The following CPB2 variants were observed in gnomAD, a reference collection of about 807,000 sequenced individuals.
The protein encoded by CPB2 is carboxypeptidase B-like protein.
In CPB2, 54 loss-of-function variants were observed where a neutral mutation model predicts 57.0. The ratio of observed to expected loss-of-function variants is 0.95; its 90% CI spans 0.76 to 1.19. CPB2 has a LOEUF of 1.19. CPB2 is among the 50% of genes most tolerant of loss of function. CPB2 has a pLI of 0.00. For missense variants in CPB2, 426 were observed against 512.0 expected, an observed-to-expected ratio of 0.83 and a Z score of 1.62; for synonymous variants, 189 against 178.1, an observed-to-expected ratio of 1.06 and a Z score of -0.49.
At chr13:46,077,386 T>A (rs4942475) in intron 5 of CPB2, among the ~76,000 whole-genome samples, 2 of 151,936 alleles carry the variant, frequency 1.3e-5, no homozygotes, top group Non-Finnish European at 2.9e-5. Flanking sequence ...GTCATCTCAT[T>A]CCAGTTAAAA....
At chr13:46,060,672 A>G (rs1254520151) in intron 8 of CPB2, among the ~76,000 whole-genome samples, 1 of 152,146 alleles carries the variant, frequency 6.6e-6, no homozygotes, top group Admixed American at 6.5e-5. Context: ...CATTTTAAGC[A>G]CTGGATAGCC....
Position 46,055,794 on chromosome 13 carries a change from C to A in CPB2, c.1055G>T (p.Arg352Met). 6.2e-7 allele frequency: 1 copy of A among 1,601,868 alleles called. No individual in the cohort carries two copies. The highest frequency in any genetic ancestry group is 8.5e-7 in the Non-Finnish European group (1 of 1,172,078). Residue 352 changes from arginine to methionine, a missense_variant, in exon 10 of 11, where the codon AGG (arginine) becomes ATG (methionine). Arg to Met is a moderately conservative substitution (Grantham distance 91, BLOSUM62 -1). Coordinates refer to ENST00000181383, the MANE Select transcript of CPB2 (RefSeq NM_001872.5). ...RAIEKISKNTRYTHGHGSETL... is the reference protein window; with the variant it reads ...RAIEKISKNTMYTHGHGSETL... ...TTCTGAGCCATGGCCATGTGTATAC[C>A]TGGTATTTTTACTAATTTTCTCAAT...
intron 1 of CPB2, among the ~76,000 whole-genome samples, chr13:46,090,936 G>A (rs1477126937): frequency 6.6e-6 from 1 of 151,658 alleles, no homozygotes; most frequent in Non-Finnish European, 1.5e-5. Flanking sequence ...ATGTTGGTCA[G>A]GCTGGTCTCG....
chr13:46,079,535 C>CAAAAAAAAAAAAAAAAAAAAAAAA (rs58164990), intron 4 of CPB2, among the ~76,000 whole-genome samples: 1 of 111,008 alleles, frequency 9.0e-6, no homozygotes, highest in African/African-American at 3.4e-5. Flanking sequence ...AAGGAAAAAG[C>CAAAAAAAAAAAAAAAAAAAAAAAA]AAAAAAAAAA....
At chr13:46,102,257 A>G (rs2045443704) in intron 1 of CPB2, among the ~76,000 whole-genome samples, 1 of 152,200 alleles carries the variant, frequency 6.6e-6, no homozygotes, top group Admixed American at 6.5e-5. Context: ...CTGGGCTGGC[A>G]GGCTGCATTT....
At chr13:46,067,004 G>A (rs994775607) in intron 7 of CPB2, among the ~76,000 whole-genome samples, 37 of 151,196 alleles carry the variant, frequency 2.4e-4, no homozygotes, top group African/African-American at 8.5e-4. Flanking sequence ...TATTGATGAA[G>A]TGATATGGTA....
chr13:46,060,527 T>C (rs2044757387), intron 8 of CPB2, among the ~76,000 whole-genome samples: 1 of 152,196 alleles, frequency 6.6e-6, no homozygotes, highest in Non-Finnish European at 1.5e-5. Flanking sequence ...TAACCAAATA[T>C]GTACAAAGTA....
intron 10 of CPB2, among the ~76,000 whole-genome samples, chr13:46,055,074 TAAAA>T: frequency 7.0e-6 from 1 of 142,362 alleles, no homozygotes; most frequent in East Asian, 2.1e-4. Flanking sequence ...TTCTAATCAT[TAAAA>T]AAAAAAAAAA....
chr13:46,082,625 G>C, intron 3 of CPB2, 76 bp from the exon 4 acceptor site: 1 of 836,486 alleles, frequency 1.2e-6, no homozygotes, highest in South Asian at 1.6e-5. Context: ...TGCAGGCACA[G>C]CAGGTGAGCA....
At chr13:46,064,197 C>G (rs2044817974) in intron 8 of CPB2, among the ~76,000 whole-genome samples, 1 of 151,940 alleles carries the variant, frequency 6.6e-6, no homozygotes, top group Non-Finnish European at 1.5e-5. Context: ...GAGGCAGAGG[C>G]TGCAGTGAGC....
chr13:46,064,857 C>T, intron 7 of CPB2, 116 bp from the exon 8 acceptor site: 1 of 721,578 alleles, frequency 1.4e-6, no homozygotes, highest in South Asian at 1.6e-5. Context: ...CAATCCCATA[C>T]CTTGCATGGC....
chr13:46,065,557 G>A (rs1348048547), intron 7 of CPB2, among the ~76,000 whole-genome samples: 1 of 149,692 alleles, frequency 6.7e-6, no homozygotes, highest in Non-Finnish European at 1.5e-5. Flanking sequence ...AACCTGGGAG[G>A]CGGAGCTTGC....
At chr13:46,086,823 C>G (rs2045214085) in intron 2 of CPB2, among the ~76,000 whole-genome samples, 1 of 152,228 alleles carries the variant, frequency 6.6e-6, no homozygotes, top group Non-Finnish European at 1.5e-5. Flanking sequence ...CTCGTCAGTA[C>G]CCAAAGTCCA....
intron 1 of CPB2, among the ~76,000 whole-genome samples, chr13:46,090,721 G>A (rs2139410253): frequency 1.2e-5 from 1 of 86,494 alleles, no homozygotes; most frequent in South Asian, 3.8e-4. Flanking sequence ...TAAAGATGTT[G>A]CACTTTTTTT....
Position 46,097,805 on chromosome 13 carries a change from G to A in CPB2, c.74+7131C>T, listed in dbSNP as rs77969314. Among the ~76,000 whole-genome samples the A allele has an allele frequency of 2.3e-3, 348 of 152,230 alleles. 7 individuals are homozygous for A. The highest frequency in any genetic ancestry group is 4.8e-3 in the East Asian group (25 of 5,180). On this transcript the variant is annotated intron_variant, in intron 1 of 10. Transcript: ENST00000181383. Reference sequence around the variant, plus strand: ...CCAAGTTGGAGTGTTTCCATATACCGTCACTCCAAGTAACCCACTCGGAGA... The same window carrying A: ...CCAAGTTGGAGTGTTTCCATATACCATCACTCCAAGTAACCCACTCGGAGA...
intron 1 of CPB2, among the ~76,000 whole-genome samples, chr13:46,102,075 A>G (rs1211266066): frequency 1.3e-5 from 2 of 152,232 alleles, no homozygotes; most frequent in African/African-American, 4.8e-5. Context: ...AGTAGGAACA[A>G]AGTGAAAGAG....
intron 1 of CPB2, among the ~76,000 whole-genome samples, chr13:46,094,102 T>C (rs974820131): frequency 2.6e-5 from 4 of 152,176 alleles, no homozygotes; most frequent in Non-Finnish European, 4.4e-5. Context: ...GGTAACCCTC[T>C]CATCTCACCA....
chr13:46,093,844 G>C (rs1219736858), intron 1 of CPB2, among the ~76,000 whole-genome samples: 1 of 152,148 alleles, frequency 6.6e-6, no homozygotes, highest in Non-Finnish European at 1.5e-5. Context: ...CATTGAACTA[G>C]TATACAATTA....
chr13:46,093,437 G>T (rs1235571962), intron 1 of CPB2, among the ~76,000 whole-genome samples: 1 of 152,180 alleles, frequency 6.6e-6, no homozygotes, highest in Non-Finnish European at 1.5e-5. Context: ...ATTATTCATA[G>T]TAACAAAACC....
Sources: gnomAD v4.1 joint callset for allele counts (sites outside exome capture counted in the v4.1 genomes callset) on GRCh38, gnomAD v4.1.1 for gene constraint, MANE v1.5 for transcripts, NCBI Gene and HGNC (gene_info 2026-07-23, HGNC 2026-07-21) for gene names.